The following MYO5A variants were observed in gnomAD, a reference collection of about 807,000 sequenced individuals.
MYO5A encodes the protein unconventional myosin-Va.
MYO5A carries 98 observed loss-of-function variants against 249.7 expected under a neutral mutation model. The ratio of observed to expected loss-of-function variants is 0.39; its 90% CI spans 0.33 to 0.46. MYO5A has a LOEUF of 0.46. Among genes scored for constraint, MYO5A ranks in the 20% least tolerant of loss-of-function variants. The pLI, the probability that MYO5A is intolerant of heterozygous loss-of-function variation, is 0.98. For missense variants in MYO5A, 1,696 were observed against 2,308.8 expected (o/e 0.73, Z 5.44); for synonymous variants, 778 against 810.6 (o/e 0.96, Z 0.68).
At chr15:52,483,576 T>G (rs2899489) in intron 1 of MYO5A, among the ~76,000 whole-genome samples, 22,708 of 151,978 alleles carry the variant, frequency 0.15, 1,815 homozygotes, top group Middle Eastern at 0.22. Context: ...GCCTAGAAAT[T>G]TCTAAAAAAC....
chr15:52,307,405 G>C lies in MYO5A; in HGVS notation c.*6291C>G, dbSNP rs1274365104. ...AAATTTAGAGCATAAATGTAATTCT[G>C]ATATTGTTTTGGTTTTTATCTTAGC... On this transcript the variant is annotated 3_prime_UTR_variant, in exon 42 of 42. Coordinates refer to ENST00000399233, the MANE Select transcript of MYO5A (RefSeq NM_001382347.1). 2 of 152,066 alleles carry C rather than the reference G, an allele frequency of 1.3e-5. No homozygotes were observed. The highest frequency in any genetic ancestry group is 2.9e-5 in the Non-Finnish European group (2 of 67,990). 9.4% of individuals were successfully genotyped at this position (152,066 alleles called of 1,614,324 possible).
chr15:52,393,229 C>T (rs2042331387), intron 11 of MYO5A, among the ~76,000 whole-genome samples: 2 of 152,102 alleles, frequency 1.3e-5, no homozygotes, highest in African/African-American at 2.4e-5. Context: ...AAAAGACTTT[C>T]GTGGTGATGA....
At chr15:52,518,806 A>G (rs967616584) in intron 1 of MYO5A, among the ~76,000 whole-genome samples, 4 of 152,228 alleles carry the variant, frequency 2.6e-5, no homozygotes, top group Admixed American at 2.6e-4. Flanking sequence ...CATGCTCACA[A>G]ACACAGAAAA....
At chr15:52,329,330 G>C (rs1269077705) in intron 35 of MYO5A, among the ~76,000 whole-genome samples, 1 of 152,232 alleles carries the variant, frequency 6.6e-6, no homozygotes, top group South Asian at 2.1e-4. Context: ...TCAGGTATAA[G>C]TGCCAATCAC....
At chr15:52,442,962 A>G (rs2075814859) in intron 1 of MYO5A, among the ~76,000 whole-genome samples, 1 of 152,146 alleles carries the variant, frequency 6.6e-6, no homozygotes, top group East Asian at 1.9e-4. Flanking sequence ...CGTGTTAGCC[A>G]GGACGGTCTC....
In MYO5A at chr15:52,353,549, A is replaced by G. The variant is rs28556657; in HGVS notation, c.3621+56T>C. ...TCTCTGAGAAAAAGAGAGGCTCTGA[A>G]TGGGCCTCTTGCCAAAACAAAATAT... On this transcript the variant is annotated intron_variant, in intron 27 of 41. Coordinates refer to ENST00000399233, the MANE Select transcript of MYO5A (RefSeq NM_001382347.1). The G allele has an allele frequency of 0.026, 37,041 of 1,435,278 alleles. 4,443 individuals carry two copies. In the African/African-American group the frequency reaches 0.33, roughly 13 times the overall value. The allele number at this position is 1,435,278 out of a possible 1,614,324, so 88.9% of individuals were successfully genotyped here.
At position 52,483,251 on chromosome 15, in the gene MYO5A, A is replaced by T. The variant is rs545673290; in HGVS notation, c.27+45529T>A. 1.3e-5 allele frequency among the ~76,000 whole-genome samples: 2 copies of T among 152,314 alleles called. 1 individual carries two copies. The highest frequency in any genetic ancestry group is 1.3e-4 in the Admixed American group (2 of 15,290). On this transcript the variant is annotated intron_variant, in intron 1 of 41. Transcript: ENST00000399233. ...CTGTTTAGACTGCCCTTTTGAGACC[A>T]GGCCACATCAAAAGGCCCTTACGAG...
intron 1 of MYO5A, among the ~76,000 whole-genome samples, chr15:52,514,739 T>C (rs1351415813): frequency 6.6e-6 from 1 of 152,118 alleles, no homozygotes; most frequent in African/African-American, 2.4e-5. Context: ...ACCTACTGAG[T>C]CAGAATCTTC....
intron 4 of MYO5A, among the ~76,000 whole-genome samples, chr15:52,423,297 A>C (rs932192609): frequency 6.6e-6 from 1 of 152,214 alleles, no homozygotes; most frequent in African/African-American, 2.4e-5. Flanking sequence ...TCATGCCTGT[A>C]ATCCCAGCAC....
chr15:52,432,962 CT>C (rs1263662612), intron 2 of MYO5A, among the ~76,000 whole-genome samples: 1 of 152,154 alleles, frequency 6.6e-6, no homozygotes, highest in Non-Finnish European at 1.5e-5. Flanking sequence ...AAAATAGAAG[CT>C]TTTTAAAGTA....
chr15:52,511,829 G>A (rs2077394705), intron 1 of MYO5A, among the ~76,000 whole-genome samples: 1 of 152,108 alleles, frequency 6.6e-6, no homozygotes, highest in South Asian at 2.1e-4. Context: ...TGATATTTCT[G>A]TTTGTTTTTT....
chr15:52,504,127 C>T (rs1441324202), intron 1 of MYO5A, among the ~76,000 whole-genome samples: 1 of 144,246 alleles, frequency 6.9e-6, no homozygotes, highest in African/African-American at 2.6e-5. Flanking sequence ...CAAGAATTTG[C>T]AGATACCATA....
intron 16 of MYO5A, among the ~76,000 whole-genome samples, chr15:52,382,133 C>T (rs1759765258): frequency 6.6e-6 from 1 of 152,184 alleles, no homozygotes; most frequent in Admixed American, 6.5e-5. Flanking sequence ...AAGCTCCTGA[C>T]CTCAGGTGAT....
At chr15:52,407,975 G>A (rs2043082127) in intron 7 of MYO5A, 84 bp downstream of exon 7, 2 of 925,888 alleles carry the variant, frequency 2.2e-6, no homozygotes, top group Admixed American at 3.6e-5. Flanking sequence ...CATGAGATAA[G>A]CTCCTTTTTA....
Position 52,340,205 on chromosome 15 carries a change from G to C in MYO5A, c.4230C>G (p.Asn1410Lys), listed in dbSNP as rs753611316. The C allele has an allele frequency of 6.2e-7, 1 of 1,614,156 alleles. No homozygotes were observed. Among genetic ancestry groups the C allele is most frequent in the Non-Finnish European group, 8.5e-7 (1 of 1,180,016 alleles). The change falls in exon 32 of 42, where the codon AAC (asparagine) becomes AAG (lysine). Residue 1410 changes from asparagine to lysine, a missense_variant. By Grantham distance (94) the Asn-to-Lys change is moderately conservative. Transcript: ENST00000399233. Reference protein sequence around the residue: ...SLQHEITRLTNENLYFEELYA... With the variant: ...SLQHEITRLTKENLYFEELYA... ...CGGCAGCTCTCCTTACCAAGTTTTC[G>C]TTGGTCAGCCGGGTGATCTCGTGCT...
chr15:52,354,251 A>T (rs2141027961), intron 25 of MYO5A, among the ~76,000 whole-genome samples: 1 of 152,362 alleles, frequency 6.6e-6, no homozygotes, highest in Middle Eastern at 3.4e-3. Context: ...AAAGATTCAT[A>T]ATGCTCTGCA....
chr15:52,390,507 C>G (rs2042172842), intron 12 of MYO5A, among the ~76,000 whole-genome samples: 1 of 150,588 alleles, frequency 6.6e-6, no homozygotes, highest in Non-Finnish European at 1.5e-5. Context: ...GGAGAGTAGT[C>G]TCCTCTTGCC....
At chr15:52,389,184 G>A (rs903400478) in intron 13 of MYO5A, 54 bp downstream of exon 13, 3 of 1,567,372 alleles carry the variant, frequency 1.9e-6, no homozygotes, top group Non-Finnish European at 2.6e-6. Context: ...TGACTATTGG[G>A]TTTTTTCCAC....
intron 23 of MYO5A, among the ~76,000 whole-genome samples, chr15:52,365,640 T>C (rs1416406861): frequency 1.3e-5 from 2 of 152,242 alleles, no homozygotes; most frequent in Non-Finnish European, 2.9e-5. Flanking sequence ...AAGTGTCTTG[T>C]CACAGCTGCT....
Sources: allele counts gnomAD v4.1 joint callset (sites outside exome capture counted in the v4.1 genomes callset), GRCh38; gene constraint gnomAD v4.1.1; transcripts MANE v1.5; gene names NCBI Gene and HGNC (gene_info 2026-07-23, HGNC 2026-07-21).